Variants in FAM169A observed in about 807,000 individuals in gnomAD.
The protein encoded by FAM169A is family with sequence similarity 169 member A, also known as soluble lamin-associated protein of 75 kDa.
Under a neutral mutation model 75.7 loss-of-function variants are expected in FAM169A, and 24 were observed. The ratio of observed to expected loss-of-function variants is 0.32; its 90% CI spans 0.23 to 0.45. FAM169A has a LOEUF of 0.45. Among genes scored for constraint, FAM169A ranks in the 20% least tolerant of loss-of-function variants. The pLI is 1.00. For missense variants in FAM169A, 673 were observed against 784.0 expected, an observed-to-expected ratio of 0.86 and a Z score of 1.69; for synonymous variants, 271 against 271.0, an observed-to-expected ratio of 1.00 and a Z score of 0.00.
intron 5 of FAM169A, among the ~76,000 whole-genome samples, chr5:74,832,071 C>T (rs1433907295): frequency 6.6e-6 from 1 of 151,938 alleles, no homozygotes; most frequent in Non-Finnish European, 1.5e-5. Context: ...CCTTCAACTG[C>T]AAAATAAACA....
intron 1 of FAM169A, among the ~76,000 whole-genome samples, chr5:74,858,864 G>T (rs1210085543): frequency 6.6e-6 from 1 of 152,112 alleles, no homozygotes; most frequent in Non-Finnish European, 1.5e-5. Flanking sequence ...CAGCCTCTTA[G>T]TTTGGGATCC....
At chr5:74,848,856 T>C (rs1424655196) in intron 1 of FAM169A, 2 of 152,224 alleles carry the variant, frequency 1.3e-5, no homozygotes, top group East Asian at 1.9e-4. Context: ...TAGGTTGCTA[T>C]GATAAATCCC....
At chr5:74,841,884 T>G (rs1422510875) in intron 1 of FAM169A, among the ~76,000 whole-genome samples, 1 of 152,176 alleles carries the variant, frequency 6.6e-6, no homozygotes, top group Non-Finnish European at 1.5e-5. Context: ...TCATTTGTAT[T>G]AAAAACAGGC....
At chr5:74,818,781 CTCTCTCTCTCTCTCTCTCTCTCTA>C (rs1182721799) in intron 5 of FAM169A, among the ~76,000 whole-genome samples, 1 of 129,946 alleles carries the variant, frequency 7.7e-6, no homozygotes, top group Admixed American at 7.6e-5. Flanking sequence ...CTCTCTCTCT[CTCTCTCTCTCTCTCTCTCTCTCTA>C]TATATATATA....
chr5:74,802,505 T>C (rs1746641647), intron 8 of FAM169A, among the ~76,000 whole-genome samples: 2 of 152,152 alleles, frequency 1.3e-5, no homozygotes, highest in South Asian at 4.1e-4. Flanking sequence ...TACACCTCTG[T>C]AACTTTTTTA....
Position 74,783,007 on chromosome 5 carries a change from G to T in FAM169A, c.1388C>A (p.Ser463Tyr). 6.2e-7 allele frequency: 1 copy of T among 1,614,018 alleles called. No individual in the cohort carries two copies. The highest frequency in any genetic ancestry group is 8.5e-7 in the Non-Finnish European group (1 of 1,179,928). ...DEELKLQPFN[S>Y]SEDSTNLVPL... ...AACAAGATTTGTAGAGTCTTCACTG[G>T]AATTAAAAGGCTGCAATTTTAATTC... is the stretch of plus-strand genomic sequence containing the variant. Residue 463 changes from serine to tyrosine, a missense_variant, in exon 12 of 13, where the codon TCC becomes TAC. Around this residue, in one of 3 missense-constraint regions of FAM169A, gnomAD observed 510 missense variants for 550.9 expected, o/e 0.93. Transcript: ENST00000687041.
At chr5:74,794,186 A>AG (rs1189304238) in intron 11 of FAM169A, among the ~76,000 whole-genome samples, 3 of 147,978 alleles carry the variant, frequency 2.0e-5, no homozygotes, top group Non-Finnish European at 4.5e-5. Flanking sequence ...TGAAGTCAGG[A>AG]GATCAAGACC....
chr5:74,792,735 G>A (rs376245908), intron 11 of FAM169A, among the ~76,000 whole-genome samples: 6 of 152,242 alleles, frequency 3.9e-5, no homozygotes, highest in African/African-American at 1.4e-4. Context: ...CTGTAAGTAT[G>A]GCCACAATAA....
intron 2 of FAM169A, among the ~76,000 whole-genome samples, chr5:74,840,828 CAAAAAAAAAACA>C (rs1289297793): frequency 2.6e-5 from 3 of 115,622 alleles, no homozygotes; most frequent in Non-Finnish European, 5.5e-5. Flanking sequence ...GACTCCATCT[CAAAAAAAAAACA>C]AAAAAAAAAG....
At chr5:74,797,658 C>T (rs1046293164) in intron 10 of FAM169A, among the ~76,000 whole-genome samples, 1 of 152,168 alleles carries the variant, frequency 6.6e-6, no homozygotes, top group Admixed American at 6.5e-5. Flanking sequence ...TCTTTAGTTG[C>T]ACTAGCCATA....
intron 1 of FAM169A, among the ~76,000 whole-genome samples, chr5:74,861,151 C>T (rs990690517): frequency 1.3e-5 from 2 of 152,238 alleles, no homozygotes; most frequent in African/African-American, 4.8e-5. Flanking sequence ...TAAAAACAGT[C>T]TAATAAATGG....
intron 5 of FAM169A, among the ~76,000 whole-genome samples, chr5:74,814,236 G>A (rs919141159): frequency 9.9e-5 from 15 of 152,004 alleles, no homozygotes; most frequent in Admixed American, 2.6e-4. Context: ...ATGTTTGCTA[G>A]TAGTATCATC....
At chr5:74,831,026 C>T (rs1175321312) in intron 5 of FAM169A, among the ~76,000 whole-genome samples, 2 of 152,132 alleles carry the variant, frequency 1.3e-5, no homozygotes, top group African/African-American at 4.8e-5. Context: ...AGTCTTTCAA[C>T]TTAACAACCT....
chr5:74,846,420 TA>T (rs1561322306), intron 1 of FAM169A, among the ~76,000 whole-genome samples: 1 of 152,170 alleles, frequency 6.6e-6, no homozygotes, highest in Non-Finnish European at 1.5e-5. Context: ...AAAATGGACA[TA>T]AGAGTTTGAT....
intron 5 of FAM169A, among the ~76,000 whole-genome samples, chr5:74,821,884 T>G (rs996858636): frequency 2.0e-5 from 3 of 152,190 alleles, no homozygotes; most frequent in African/African-American, 7.2e-5. Flanking sequence ...TCCAATGGCC[T>G]CACTCCTACA....
At chr5:74,860,558 T>C (rs1256924169) in intron 1 of FAM169A, among the ~76,000 whole-genome samples, 3 of 152,170 alleles carry the variant, frequency 2.0e-5, no homozygotes, top group African/African-American at 7.2e-5. Context: ...TAAAAGTTTC[T>C]GTCTTTCCTT....
At position 74,781,786 on chromosome 5, in the gene FAM169A, T is replaced by A; in HGVS notation, c.1687A>T (p.Asn563Tyr). 6.2e-7 allele frequency: 1 copy of A among 1,614,050 alleles called. No homozygotes were observed. The change falls in exon 13 of 13, where the codon AAT becomes TAT. Residue 563 changes from asparagine (N) to tyrosine (Y), a missense_variant. Around this residue, in one of 3 missense-constraint regions of FAM169A, gnomAD observed 510 missense variants for 550.9 expected, o/e 0.93. Transcript: ENST00000687041. Reference protein sequence around the residue: ...EEPVSENLSPNTTSSLEDQGE... With the variant: ...EEPVSENLSPYTTSSLEDQGE... The stretch of plus-strand genomic sequence containing the variant: ...TGGTCTTCCAATGAGGAAGTAGTAT[T>A]AGGAGACAAATTCTCAGAGACCGGT...
At chr5:74,846,336 A>G (rs1749154359) in intron 1 of FAM169A, among the ~76,000 whole-genome samples, 1 of 152,194 alleles carries the variant, frequency 6.6e-6, no homozygotes, top group Non-Finnish European at 1.5e-5. Context: ...GTATTTGAAG[A>G]CTGCTGCCAG....
At chr5:74,815,504 C>G (rs908073758) in intron 5 of FAM169A, among the ~76,000 whole-genome samples, 4 of 152,126 alleles carry the variant, frequency 2.6e-5, no homozygotes, top group Non-Finnish European at 5.9e-5. Context: ...ATCTTAATTG[C>G]TGACATTTAG....
Sources: gnomAD v4.1 joint callset for allele counts (sites outside exome capture counted in the v4.1 genomes callset) on GRCh38, gnomAD v4.1.1 for gene constraint, gnomAD v4.1.1 regional missense constraint, MANE v1.5 for transcripts, NCBI Gene and HGNC (gene_info 2026-07-23, HGNC 2026-07-21) for gene names.